AGBL3: variants seen among roughly 807,000 people sequenced by gnomAD.
AGBL3 encodes cytosolic carboxypeptidase 3.
In AGBL3, 68 loss-of-function variants were observed where a neutral mutation model predicts 94.5. That is an observed-to-expected ratio of 0.72 (90% CI 0.59 to 0.88). The LOEUF is 0.88. Ranked by LOEUF, AGBL3 falls within the 40% of genes least tolerant of loss-of-function variation. AGBL3 has a pLI of 0.00. For missense variants in AGBL3, 934 were observed against 1,103.8 expected (o/e 0.85, Z 2.18); for synonymous variants, 354 against 370.7 (o/e 0.95, Z 0.52).
At chr7:135,050,688 T>G (rs1817794640) in intron 11 of AGBL3, among the ~76,000 whole-genome samples, 1 of 152,034 alleles carries the variant, frequency 6.6e-6, no homozygotes. Flanking sequence ...TCATGACAGT[T>G]TTTTACTTAA....
At chr7:135,128,713 C>G in intron 16 of AGBL3, 1 of 1,367,274 alleles carries the variant, frequency 7.3e-7, no homozygotes, top group African/African-American at 1.4e-5. Context: ...AAGATTGATT[C>G]TCAGAAAAAA....
At chr7:135,016,738 G>A (rs1813853671) in intron 4 of AGBL3, among the ~76,000 whole-genome samples, 1 of 152,158 alleles carries the variant, frequency 6.6e-6, no homozygotes, top group Non-Finnish European at 1.5e-5. Flanking sequence ...TCCCAGAGGT[G>A]AGACAGAATG....
intron 16 of AGBL3, among the ~76,000 whole-genome samples, chr7:135,127,182 G>T (rs1827996981): frequency 6.6e-6 from 1 of 151,632 alleles, no homozygotes; most frequent in Non-Finnish European, 1.5e-5. Flanking sequence ...GAAAAAAACA[G>T]ACAACCCCAT....
In AGBL3 at chr7:135,134,914, G is replaced by C; in HGVS notation, c.2416G>C (p.Val806Leu). 6.4e-7 allele frequency: 1 copy of C among 1,551,120 alleles called. No individual in the cohort carries two copies. The highest frequency in any genetic ancestry group is 2.4e-5 in the East Asian group (1 of 40,904). ...SWTAPRNHPFVIQGDVMANSS... is the reference protein window; with the variant it reads ...SWTAPRNHPFLIQGDVMANSS... ...GACAGCACCCAGAAATCACCCTTTT[G>C]TAATCCAAGGGGATGTTATGGCAAA... The change falls in exon 17 of 17, where the codon GTA (valine) becomes CTA (leucine). Residue 806 changes from valine to leucine, a missense_variant. Coordinates refer to ENST00000436302, the MANE Select transcript of AGBL3 (RefSeq NM_178563.4).
intron 12 of AGBL3, among the ~76,000 whole-genome samples, chr7:135,064,234 A>G (rs748858821): frequency 6.6e-6 from 1 of 152,216 alleles, no homozygotes; most frequent in African/African-American, 2.4e-5. Context: ...AGGAAGGAGC[A>G]TATCTGTCAT....
intron 5 of AGBL3, among the ~76,000 whole-genome samples, chr7:135,019,721 T>G (rs976201547): frequency 6.6e-6 from 1 of 152,118 alleles, no homozygotes; most frequent in Non-Finnish European, 1.5e-5. Flanking sequence ...AACAGAGATA[T>G]AGACCAATGG....
At chr7:135,020,064 G>T (rs1017559583) in intron 5 of AGBL3, among the ~76,000 whole-genome samples, 1 of 152,174 alleles carries the variant, frequency 6.6e-6, no homozygotes, top group African/African-American at 2.4e-5. Flanking sequence ...TGACAAATGG[G>T]ATCTAATTAA....
intron 16 of AGBL3, chr7:135,128,748 C>T (rs1828312770): frequency 1.3e-5 from 18 of 1,369,306 alleles, no homozygotes; most frequent in Non-Finnish European, 1.6e-5. Flanking sequence ...CAGCTCAAGC[C>T]TCTCCCAACA....
At position 135,017,178 on chromosome 7, in the gene AGBL3, A is replaced by G. The variant is rs765013616; in HGVS notation, c.418+19A>G. The G allele has an allele frequency of 5.5e-6, 8 of 1,448,464 alleles. No homozygotes were observed. Among genetic ancestry groups the G allele is most frequent in the Non-Finnish European group, 7.6e-6 (8 of 1,052,510 alleles). 89.7% of individuals were successfully genotyped at this position (1,448,464 alleles called of 1,614,324 possible). A position where few individuals can be genotyped will look rare whatever the true frequency, so the allele number is the denominator to read the frequency against. ...GAAGATGGTGAGCACATAATGACACATGTTGCTGTAAAATATAATTTGGTA... is the reference window on the plus strand; with the variant it reads ...GAAGATGGTGAGCACATAATGACACGTGTTGCTGTAAAATATAATTTGGTA... On this transcript the variant is annotated intron_variant, in intron 5 of 16. Coordinates refer to ENST00000436302, the MANE Select transcript of AGBL3 (RefSeq NM_178563.4).
At chr7:135,047,756 AT>A (rs1171650871) in intron 11 of AGBL3, among the ~76,000 whole-genome samples, 2 of 151,944 alleles carry the variant, frequency 1.3e-5, no homozygotes, top group Non-Finnish European at 2.9e-5. Flanking sequence ...GGAATTCCTT[AT>A]ATATTTTGTA....
chr7:135,043,757 AAT>A (rs1476325599), intron 8 of AGBL3, among the ~76,000 whole-genome samples: 1 of 151,970 alleles, frequency 6.6e-6, no homozygotes, highest in South Asian at 2.1e-4. Flanking sequence ...ACTTATTTTG[AAT>A]ATATATGTTA....
intron 11 of AGBL3, among the ~76,000 whole-genome samples, chr7:135,058,072 C>G (rs1818493876): frequency 6.6e-6 from 1 of 152,034 alleles, no homozygotes; most frequent in Non-Finnish European, 1.5e-5. Flanking sequence ...CTAAGGTAAA[C>G]TATAATTTTT....
intron 7 of AGBL3, among the ~76,000 whole-genome samples, chr7:135,035,688 T>C (rs1432303477): frequency 6.6e-6 from 1 of 152,134 alleles, no homozygotes; most frequent in Non-Finnish European, 1.5e-5. Context: ...TTCAAATTAA[T>C]CTAAGATGAG....
At chr7:135,048,594 G>C (rs1817589252) in intron 11 of AGBL3, among the ~76,000 whole-genome samples, 1 of 151,678 alleles carries the variant, frequency 6.6e-6, no homozygotes, top group Non-Finnish European at 1.5e-5. Context: ...TATTCTTTCT[G>C]GTGCTATTGT....
chr7:135,026,884 C>T (rs1815207623), intron 5 of AGBL3, among the ~76,000 whole-genome samples: 2 of 151,374 alleles, frequency 1.3e-5, no homozygotes, highest in African/African-American at 2.4e-5. Flanking sequence ...TATTAATTGG[C>T]CCATCTCATT....
At chr7:135,066,758 A>G (rs1447922363) in intron 12 of AGBL3, among the ~76,000 whole-genome samples, 1 of 152,126 alleles carries the variant, frequency 6.6e-6, no homozygotes, top group Non-Finnish European at 1.5e-5. Flanking sequence ...GGGGGATTTT[A>G]GAGCCAAGAT....
intron 12 of AGBL3, among the ~76,000 whole-genome samples, chr7:135,066,936 G>A (rs1016804917): frequency 2.6e-5 from 4 of 152,216 alleles, no homozygotes; most frequent in Non-Finnish European, 4.4e-5. Context: ...AGCAGGGCGA[G>A]GCATTGCCTC....
At chr7:135,065,075 G>C (rs1048873654) in intron 12 of AGBL3, among the ~76,000 whole-genome samples, 3 of 152,132 alleles carry the variant, frequency 2.0e-5, no homozygotes, top group Non-Finnish European at 4.4e-5. Context: ...ACTAAGTCTG[G>C]TTGAGACATC....
chr7:135,018,838 A>C (rs1814103491), intron 5 of AGBL3, among the ~76,000 whole-genome samples: 1 of 152,230 alleles, frequency 6.6e-6, no homozygotes, highest in African/African-American at 2.4e-5. Context: ...TTTATTTTGA[A>C]TAAATTGAGG....
Sources: allele counts gnomAD v4.1 joint callset (sites outside exome capture counted in the v4.1 genomes callset), GRCh38; gene constraint gnomAD v4.1.1; transcripts MANE v1.5; gene names NCBI Gene and HGNC (gene_info 2026-07-23, HGNC 2026-07-21).